The following FNIP1 variants were observed in gnomAD, a reference collection of about 807,000 sequenced individuals.
The protein encoded by FNIP1 is folliculin-interacting protein 1.
Under a neutral mutation model 124.5 loss-of-function variants are expected in FNIP1, and 40 were observed. The ratio of observed to expected loss-of-function variants is 0.32; its 90% CI spans 0.25 to 0.42. The LOEUF (loss-of-function observed/expected upper bound fraction) is 0.42. Ranked by LOEUF, FNIP1 falls within the 10% of genes least tolerant of loss-of-function variation. The probability of loss-of-function intolerance (pLI) is 1.00; values close to 1 mark genes in which losing one functional copy is unlikely to be tolerated. For synonymous variants in FNIP1, 472 were observed against 470.6 expected, an observed-to-expected ratio of 1.00 and a Z score of -0.04; for missense variants, 1,176 against 1,403.7, an observed-to-expected ratio of 0.84 and a Z score of 2.59.
Position 131,716,635 on chromosome 5 carries a change from G to T in FNIP1, c.552C>A (p.Phe184Leu). ...SLNTLQDSLE[F>L]INQDNNTLKA... ...TTAATGTATTGTTGTCCTGATTGAT[G>T]AATTCAAGACTATCTTGTAGCCTAT... The change falls in exon 6 of 18, where the codon TTC becomes TTA. Residue 184 changes from phenylalanine (F) to leucine (L), a missense_variant. Phe to Leu is a conservative substitution (Grantham distance 22, BLOSUM62 0). Coordinates refer to ENST00000510461, the MANE Select transcript of FNIP1 (RefSeq NM_133372.3). The T allele has an allele frequency of 6.2e-7, 1 of 1,601,210 alleles. No homozygotes were observed.
intron 3 of FNIP1, among the ~76,000 whole-genome samples, chr5:131,728,814 G>C (rs1203672521): frequency 6.6e-6 from 1 of 152,150 alleles, no homozygotes; most frequent in Non-Finnish European, 1.5e-5. Context: ...CTCACTTCGT[G>C]TATTTATCTA....
At chr5:131,688,911 G>A (rs1034436109) in intron 11 of FNIP1, among the ~76,000 whole-genome samples, 1 of 151,686 alleles carries the variant, frequency 6.6e-6, no homozygotes, top group Non-Finnish European at 1.5e-5. Flanking sequence ...ACAAAATGGA[G>A]AAGTAAAATA....
At chr5:131,702,556 CTA>C (rs1483931949) in intron 10 of FNIP1, among the ~76,000 whole-genome samples, 3 of 152,142 alleles carry the variant, frequency 2.0e-5, no homozygotes, top group Non-Finnish European at 2.9e-5. Context: ...TGCTATTCTG[CTA>C]TATCCAATTT....
chr5:131,698,140 A>G lies in FNIP1; in HGVS notation c.1202+777T>C, dbSNP rs149073029. ...TTTTATACTAGAAAACTAGGGGTCAAAAACGCTAATGCACTTGCCCAAGAT... is the reference window on the plus strand; with the variant it reads ...TTTTATACTAGAAAACTAGGGGTCAGAAACGCTAATGCACTTGCCCAAGAT... On this transcript the variant is annotated intron_variant, in intron 11 of 17. Coordinates refer to ENST00000510461, the MANE Select transcript of FNIP1 (RefSeq NM_133372.3). Among the ~76,000 whole-genome samples the G allele has an allele frequency of 8.0e-3, 1,212 of 152,280 alleles. 7 individuals carry two copies. Among genetic ancestry groups the G allele is most frequent in the Non-Finnish European group, 0.013 (860 of 68,022 alleles).
intron 11 of FNIP1, among the ~76,000 whole-genome samples, chr5:131,684,739 A>G (rs1228560951): frequency 6.6e-6 from 1 of 152,216 alleles, no homozygotes; most frequent in Non-Finnish European, 1.5e-5. Context: ...TCTTATGACA[A>G]TATTTACTGT....
chr5:131,675,532 C>T (rs772948876), intron 13 of FNIP1, among the ~76,000 whole-genome samples: 8 of 152,132 alleles, frequency 5.3e-5, no homozygotes, highest in Non-Finnish European at 1.0e-4. Context: ...GAATACTACT[C>T]AGCATTAAAA....
intron 7 of FNIP1, 57 bp downstream of exon 7, chr5:131,710,521 A>C (rs1769249742): frequency 1.3e-6 from 2 of 1,524,766 alleles, no homozygotes; most frequent in Non-Finnish European, 1.8e-6. Context: ...CAGCTTAACT[A>C]CAGATTCTAG....
intron 11 of FNIP1, among the ~76,000 whole-genome samples, chr5:131,694,030 C>T (rs1323063973): frequency 1.3e-5 from 2 of 152,122 alleles, no homozygotes; most frequent in Non-Finnish European, 2.9e-5. Flanking sequence ...TACATCACTA[C>T]CTGCCTCTTA....
At chr5:131,660,631 G>A (rs1327495493) in intron 15 of FNIP1, among the ~76,000 whole-genome samples, 1 of 152,174 alleles carries the variant, frequency 6.6e-6, no homozygotes, top group Non-Finnish European at 1.5e-5. Context: ...GATGATTTGA[G>A]TATGAACTCC....
rs1042199048 is a variant in FNIP1 at position 131,797,016 on chromosome 5, A to G, written c.-95T>C. 3.4e-6 allele frequency: 4 copies of G among 1,168,452 alleles called. No homozygotes were observed. The highest frequency in any genetic ancestry group is 2.7e-5 in the East Asian group (1 of 36,644). The allele number at this position is 1,168,452 out of a possible 1,614,324, so 72.4% of individuals were successfully genotyped here. A position where few individuals can be genotyped will look rare whatever the true frequency, so the allele number is the denominator to read the frequency against. ...CCACCCCCATGGGCGCCTCAGTCAT[A>G]TGACAGAAATTAGTCACTTCAAACG... is the stretch of plus-strand genomic sequence containing the variant. On this transcript the variant is annotated 5_prime_UTR_variant, in exon 1 of 18. Coordinates refer to ENST00000510461, the MANE Select transcript of FNIP1 (RefSeq NM_133372.3).
At chr5:131,790,788 T>C (rs570062939) in intron 1 of FNIP1, among the ~76,000 whole-genome samples, 1 of 152,230 alleles carries the variant, frequency 6.6e-6, no homozygotes, top group African/African-American at 2.4e-5. Context: ...TAAGCCCAGA[T>C]GATCACTACA....
At chr5:131,767,737 A>G (rs982908719) in intron 1 of FNIP1, among the ~76,000 whole-genome samples, 1 of 152,178 alleles carries the variant, frequency 6.6e-6, no homozygotes, top group African/African-American at 2.4e-5. Flanking sequence ...TTTTCTATCT[A>G]AGGAATTATA....
chr5:131,717,869 C>T (rs1372713341), intron 5 of FNIP1, among the ~76,000 whole-genome samples: 1 of 151,918 alleles, frequency 6.6e-6, no homozygotes, highest in African/African-American at 2.4e-5. Flanking sequence ...TTTTTTAAGG[C>T]ATCCATAATA....
intron 11 of FNIP1, among the ~76,000 whole-genome samples, chr5:131,684,628 A>G (rs1768207687): frequency 6.6e-6 from 1 of 152,310 alleles, no homozygotes. Context: ...TGTACTATAT[A>G]ATACCACAGC....
intron 1 of FNIP1, among the ~76,000 whole-genome samples, chr5:131,747,791 G>C (rs886737363): frequency 6.6e-6 from 1 of 152,106 alleles, no homozygotes; most frequent in Admixed American, 6.5e-5. Context: ...CTCAAGTAGA[G>C]TGAGAGTGAC....
chr5:131,651,765 T>G, intron 16 of FNIP1, 37 bp downstream of exon 16: 1 of 1,590,298 alleles, frequency 6.3e-7, no homozygotes, highest in Non-Finnish European at 8.6e-7. Flanking sequence ...CTTTAAGCAG[T>G]GCTTAAAGTA....
chr5:131,678,195 T>C (rs762441966), intron 12 of FNIP1, among the ~76,000 whole-genome samples: 5 of 152,172 alleles, frequency 3.3e-5, no homozygotes, highest in Admixed American at 6.5e-5. Flanking sequence ...ACACAATTAA[T>C]TACTGAATCA....
At chr5:131,681,245 C>T (rs6878276) in intron 11 of FNIP1, among the ~76,000 whole-genome samples, 2,838 of 151,742 alleles carry the variant, frequency 0.019, 93 homozygotes, top group African/African-American at 0.065. Flanking sequence ...TTGTGGGGGG[C>T]GGTGGTATTG....
chr5:131,692,679 T>A (rs1768521003), intron 11 of FNIP1, among the ~76,000 whole-genome samples: 1 of 152,030 alleles, frequency 6.6e-6, no homozygotes, highest in Non-Finnish European at 1.5e-5. Context: ...GTAATTAAGA[T>A]AGCATGGGGA....
Sources: allele counts gnomAD v4.1 joint callset (sites outside exome capture counted in the v4.1 genomes callset), GRCh38; gene constraint gnomAD v4.1.1; transcripts MANE v1.5; gene names NCBI Gene and HGNC (gene_info 2026-07-23, HGNC 2026-07-21).